The following GPRC5A variants were observed in gnomAD, a reference collection of about 807,000 sequenced individuals.
GPRC5A encodes retinoic acid-induced protein 3.
Under a neutral mutation model 22.5 loss-of-function variants are expected in GPRC5A, and 19 were observed. The ratio of observed to expected loss-of-function variants is 0.85; its 90% CI spans 0.59 to 1.24. The LOEUF (loss-of-function observed/expected upper bound fraction) is 1.24, where lower values mean the gene tolerates loss of function less well. Ranked by LOEUF, GPRC5A falls within the 50% of genes most tolerant of loss-of-function variation. The pLI is 0.00. For missense variants in GPRC5A, 471 were observed against 451.1 expected, an observed-to-expected ratio of 1.04 and a Z score of -0.40; for synonymous variants, 192 against 184.5, an observed-to-expected ratio of 1.04 and a Z score of -0.33.
At chr12:12,897,131 G>A (rs1203112851) in intron 1 of GPRC5A, among the ~76,000 whole-genome samples, 1 of 148,516 alleles carries the variant, frequency 6.7e-6, no homozygotes, top group East Asian at 2.0e-4. Flanking sequence ...GGAGGCTGAG[G>A]CACAAGAATC....
At chr12:12,895,714 A>G (rs2136455074) in intron 1 of GPRC5A, among the ~76,000 whole-genome samples, 1 of 150,970 alleles carries the variant, frequency 6.6e-6, no homozygotes, top group East Asian at 1.9e-4. Context: ...GCGGTGGCTC[A>G]CACCTGTAAT....
chr12:12,912,357 G>T, intron 3 of GPRC5A, 90 bp from the exon 4 acceptor site: 1 of 946,872 alleles, frequency 1.1e-6, no homozygotes, highest in South Asian at 1.3e-5. Flanking sequence ...TGGGAGAAAG[G>T]GAAGGAAATG....
chr12:12,908,170 T>C (rs1212457408), intron 1 of GPRC5A, 73 bp from the exon 2 acceptor site: 4 of 1,049,984 alleles, frequency 3.8e-6, no homozygotes, highest in Non-Finnish European at 5.5e-6. Flanking sequence ...AATCCTTTTT[T>C]AGTCTTCTGT....
chr12:12,893,968 G>A (rs1229353663), intron 1 of GPRC5A, among the ~76,000 whole-genome samples: 1 of 152,136 alleles, frequency 6.6e-6, no homozygotes, highest in Non-Finnish European at 1.5e-5. Flanking sequence ...CACCATGTTG[G>A]CCAGACTGGT....
chr12:12,908,936 C>G lies in GPRC5A; in HGVS notation c.687C>G (p.Thr229=), dbSNP rs138398386. The stretch of plus-strand genomic sequence containing the variant: ...TTGCCATCTGGGTGGCCTGGATCAC[C>G]CTGCTCATGCTTCCTGACTTTGACC... ...LSIAIWVAWI[T]LLMLPDFDRR... is the part of the protein sequence containing the mutation. Residue 229 remains threonine (T), a synonymous_variant, in exon 2 of 4, where the codon ACC becomes ACG. Coordinates refer to ENST00000014914, the MANE Select transcript of GPRC5A (RefSeq NM_003979.4). The G allele has an allele frequency of 1.1e-5, 17 of 1,614,124 alleles. No individual in the cohort carries two copies. The African/African-American group carries it at 1.9e-4, about 18-fold the overall frequency.
Position 12,908,842 on chromosome 12 carries a change from C to T in GPRC5A, c.593C>T (p.Thr198Ile), listed in dbSNP as rs372144294. 154 of 1,614,180 alleles carry T rather than the reference C, an allele frequency of 9.5e-5. No homozygotes were observed. The East Asian group carries it at 2.8e-3, about 29-fold the overall frequency. ...CTGACCTTCCTCATGTCCTCCTTCA[C>T]CTTCTGTGGTTCCTTCACGGGCTGG... ...MALTFLMSSF[T>I]FCGSFTGWKR... The change falls in exon 2 of 4, where the codon ACC becomes ATC. Residue 198 changes from threonine to isoleucine, a missense_variant. By Grantham distance (89) the Thr-to-Ile change is moderately conservative. Transcript: ENST00000014914.
chr12:12,897,609 C>CTTT (rs35808659), intron 1 of GPRC5A, among the ~76,000 whole-genome samples: 1 of 134,124 alleles, frequency 7.5e-6, no homozygotes, highest in East Asian at 2.1e-4. Flanking sequence ...GAATACGCTT[C>CTTT]TTTTTTTTTT....
At chr12:12,895,821 CA>C (rs34696528) in intron 1 of GPRC5A, among the ~76,000 whole-genome samples, 2,265 of 75,614 alleles carry the variant, frequency 0.03, 21 homozygotes, top group Middle Eastern at 0.073. Context: ...ACTAAAAATA[CA>C]AAAAAAAAAA....
intron 1 of GPRC5A, among the ~76,000 whole-genome samples, chr12:12,899,765 A>G (rs1396946746): frequency 6.6e-6 from 1 of 152,220 alleles, no homozygotes; most frequent in Admixed American, 6.5e-5. Context: ...ATTCGAGAAT[A>G]GAGAAAAAAT....
chr12:12,907,201 T>A (rs1460975342), intron 1 of GPRC5A, among the ~76,000 whole-genome samples: 3 of 150,316 alleles, frequency 2.0e-5, no homozygotes, highest in African/African-American at 7.3e-5. Context: ...TCAGAGACCA[T>A]CATGGGTAAC....
chr12:12,906,570 CA>C (rs1486422223), intron 1 of GPRC5A, among the ~76,000 whole-genome samples: 1 of 152,012 alleles, frequency 6.6e-6, no homozygotes, highest in East Asian at 1.9e-4. Context: ...CCCATCCCCC[CA>C]AAAAGGAGTA....
rs1028438877 is a variant in GPRC5A at position 12,900,550 on chromosome 12, C to T, written c.-7-7693C>T. On this transcript the variant is annotated intron_variant, in intron 1 of 3. Coordinates refer to ENST00000014914, the MANE Select transcript of GPRC5A (RefSeq NM_003979.4). Reference sequence around the variant, plus strand: ...CCTCCTCTTCCTTTCCTCCCTCTTCCTCTTGTTCTTATTCTTCCCTTCCCT... The same window carrying T: ...CCTCCTCTTCCTTTCCTCCCTCTTCTTCTTGTTCTTATTCTTCCCTTCCCT... 2.6e-5 allele frequency among the ~76,000 whole-genome samples: 4 copies of T among 152,116 alleles called. No homozygotes were observed. The East Asian group carries it at 7.7e-4, about 29-fold the overall frequency.
At chr12:12,907,400 C>CAAAAAA (rs567033664) in intron 1 of GPRC5A, among the ~76,000 whole-genome samples, 8 of 90,162 alleles carry the variant, frequency 8.9e-5, no homozygotes, top group African/African-American at 3.4e-4. Flanking sequence ...GACTCTGTCT[C>CAAAAAA]AAAAAAAAAA....
At chr12:12,902,839 G>GGGTGGATCAGCTGAGGTC (rs1359856313) in intron 1 of GPRC5A, among the ~76,000 whole-genome samples, 2 of 152,196 alleles carry the variant, frequency 1.3e-5, no homozygotes, top group East Asian at 3.9e-4. Context: ...ATGCTGAGGT[G>GGGTGGATCAGCTGAGGTC]GGTGGATCAG....
At chr12:12,897,181 C>T (rs948233040) in intron 1 of GPRC5A, among the ~76,000 whole-genome samples, 2 of 130,094 alleles carry the variant, frequency 1.5e-5, no homozygotes, top group Non-Finnish European at 3.1e-5. Flanking sequence ...GAGCTGAGAT[C>T]ATGCCACTGT....
At chr12:12,911,838 C>T (rs541597309) in intron 2 of GPRC5A, among the ~76,000 whole-genome samples, 7 of 152,270 alleles carry the variant, frequency 4.6e-5, no homozygotes, top group East Asian at 1.9e-4. Context: ...AGGTGGGGCT[C>T]TGGTGAAGTT....
At chr12:12,891,848 T>G (rs1863762073) in intron 1 of GPRC5A, 184 bp downstream of exon 1, 1 of 151,170 alleles carries the variant, frequency 6.6e-6, no homozygotes, top group East Asian at 1.9e-4. Flanking sequence ...GATTTTTTTT[T>G]TTTTTTTTCC....
At position 12,913,696 on chromosome 12, in the gene GPRC5A, G is replaced by A. The variant is rs748922274; in HGVS notation, c.*1157G>A. On this transcript the variant is annotated 3_prime_UTR_variant, in exon 4 of 4. Coordinates refer to ENST00000014914, the MANE Select transcript of GPRC5A (RefSeq NM_003979.4). ...CATTAGACTCTGGGGGATAGAACACGGGCTGCCCTGAGAGCTTCATGTTGG... is the reference window on the plus strand; with the variant it reads ...CATTAGACTCTGGGGGATAGAACACAGGCTGCCCTGAGAGCTTCATGTTGG... 1.3e-5 allele frequency: 2 copies of A among 152,170 alleles called. No homozygotes were observed. Among genetic ancestry groups the A allele is most frequent in the Non-Finnish European group, 2.9e-5 (2 of 68,034 alleles). The allele number at this position is 152,170 out of a possible 1,614,324, so 9.4% of individuals were successfully genotyped here. A position where few individuals can be genotyped will look rare whatever the true frequency, so the allele number is the denominator to read the frequency against.
chr12:12,895,703 C>T (rs1032013858), intron 1 of GPRC5A, among the ~76,000 whole-genome samples: 2 of 150,746 alleles, frequency 1.3e-5, no homozygotes, highest in East Asian at 1.9e-4. Context: ...AGAGGGCCGG[C>T]GCGGTGGCTC....
Sources: gnomAD v4.1 joint callset for allele counts (sites outside exome capture counted in the v4.1 genomes callset) on GRCh38, gnomAD v4.1.1 for gene constraint, MANE v1.5 for transcripts, NCBI Gene and HGNC (gene_info 2026-07-23, HGNC 2026-07-21) for gene names.